The following BRWD1 variants were observed in gnomAD, a reference collection of about 807,000 sequenced individuals.
BRWD1 encodes the protein bromodomain and WD repeat-containing protein 1.
BRWD1 carries 82 observed loss-of-function variants against 251.2 expected under a neutral mutation model. That is an observed-to-expected ratio of 0.33 (90% CI 0.27 to 0.39). The LOEUF is 0.39. Among genes scored for constraint, BRWD1 ranks in the 10% least tolerant of loss-of-function variants. The pLI is 1.00. For synonymous variants in BRWD1, 918 were observed against 902.8 expected (o/e 1.02, Z -0.30); for missense variants, 2,233 against 2,711.6 (o/e 0.82, Z 3.92).
chr21:39,279,638 C>CAAAAAAAAAAAAAAAAAAA (rs77282416), intron 9 of BRWD1, among the ~76,000 whole-genome samples: 4 of 66,844 alleles, frequency 6.0e-5, no homozygotes, highest in East Asian at 8.1e-4. Flanking sequence ...GACTCCATCT[C>CAAAAAAAAAAAAAAAAAAA]AAAAAAAAAA....
At chr21:39,260,379 G>A (rs1415428618) in intron 17 of BRWD1, among the ~76,000 whole-genome samples, 2 of 151,860 alleles carry the variant, frequency 1.3e-5, no homozygotes, top group African/African-American at 2.4e-5. Flanking sequence ...CAAGCAATCC[G>A]CCTGCCTGCC....
chr21:39,313,354 G>GGCCCGGGGA (rs1369245331), intron 1 of BRWD1, 55 bp from the exon 2 acceptor site: 1 of 1,466,334 alleles, frequency 6.8e-7, no homozygotes, highest in Admixed American at 2.3e-5. Context: ...AGGGGGACGG[G>GGCCCGGGGA]GCCAGGGGAG....
rs577151921 is a variant in BRWD1, at chr21:39,188,614, G to T, written c.*7645C>A. The stretch of plus-strand genomic sequence containing the variant: ...AGTACAGGTAAAAACTGCTTCTGTG[G>T]ACTGACATGTTCATACAGCTAGACT... On this transcript the variant is annotated 3_prime_UTR_variant, in exon 41 of 41. Coordinates refer to ENST00000342449, the MANE Select transcript of BRWD1 (RefSeq NM_033656.4). The T allele has an allele frequency of 4.0e-5, 39 of 985,242 alleles. No homozygotes were observed. Among genetic ancestry groups the T allele is most frequent in the Non-Finnish European group, 4.6e-5 (38 of 829,920 alleles). The allele number at this position is 985,242 out of a possible 1,614,324, so 61.0% of individuals were successfully genotyped here.
At chr21:39,294,740 T>C (rs2035909259) in intron 7 of BRWD1, among the ~76,000 whole-genome samples, 1 of 151,804 alleles carries the variant, frequency 6.6e-6, no homozygotes, top group Non-Finnish European at 1.5e-5. Flanking sequence ...TACTTCATAG[T>C]GTGAGAAACA....
intron 17 of BRWD1, among the ~76,000 whole-genome samples, chr21:39,262,210 G>A (rs538040608): frequency 3.9e-5 from 6 of 152,174 alleles, no homozygotes; most frequent in Admixed American, 1.3e-4. Context: ...CAAATTCCAC[G>A]TGACAGTTGG....
At chr21:39,297,053 G>A (rs1248757433) in intron 5 of BRWD1, 5 of 985,272 alleles carry the variant, frequency 5.1e-6, no homozygotes, top group African/African-American at 1.7e-5. Context: ...GAGCACATAC[G>A]TAGGATCTGT....
In BRWD1 at chr21:39,188,667, G is replaced by A; in HGVS notation, c.*7592C>T. On this transcript the variant is annotated 3_prime_UTR_variant, in exon 41 of 41. Coordinates refer to ENST00000342449, the MANE Select transcript of BRWD1 (RefSeq NM_033656.4). Reference sequence around the variant, plus strand: ...TGAGGCAGGCCTCTGCCCTCACAGTGCAAGCACTTCAGATTTTTCCCTAAG... The same window carrying A: ...TGAGGCAGGCCTCTGCCCTCACAGTACAAGCACTTCAGATTTTTCCCTAAG... 2.0e-6 allele frequency: 2 copies of A among 985,404 alleles called. No individual in the cohort carries two copies. The highest frequency in any genetic ancestry group is 1.1e-4 in the East Asian group (1 of 8,810). 61.0% of individuals were successfully genotyped at this position (985,404 alleles called of 1,614,324 possible). A position where few individuals can be genotyped will look rare whatever the true frequency, so the allele number is the denominator to read the frequency against.
intron 21 of BRWD1, among the ~76,000 whole-genome samples, chr21:39,239,198 T>C (rs1384485555): frequency 6.6e-6 from 1 of 152,170 alleles, no homozygotes; most frequent in African/African-American, 2.4e-5. Flanking sequence ...AGTCCAAATT[T>C]TTTATATTTT....
chr21:39,275,833 G>C (rs1238082627), intron 12 of BRWD1, among the ~76,000 whole-genome samples: 1 of 152,106 alleles, frequency 6.6e-6, no homozygotes, highest in Non-Finnish European at 1.5e-5. Context: ...GGGAGTTCGA[G>C]ACCAGACTGA....
In BRWD1 at chr21:39,281,896, ATG is replaced by A. The variant is rs2035471823; in HGVS notation, c.832-1650_832-1649del. ...CCAAAAAAAATATATATATATATGTATGTATGTATACATGTATATATATACGT... is the reference window on the plus strand; with the variant it reads ...CCAAAAAAAATATATATATATATGTATATGTATACATGTATATATATACGT... On this transcript the variant is annotated intron_variant, in intron 8 of 40. Transcript: ENST00000342449. Among the ~76,000 whole-genome samples, 6 of 139,232 alleles carry A rather than the reference ATG, an allele frequency of 4.3e-5. No individual in the cohort carries two copies. The South Asian group carries it at 1.1e-3, about 25-fold the overall frequency. The allele number at this position is 139,232 out of a possible 152,430, so 91.3% of individuals were successfully genotyped here.
upstream of BRWD1, among the ~76,000 whole-genome samples, chr21:39,318,705 T>TA (rs1326551194): frequency 5.3e-5 from 8 of 152,148 alleles, no homozygotes; most frequent in Non-Finnish European, 1.2e-4. Flanking sequence ...AGTGCAGTGG[T>TA]ACAGTCAGAG....
intron 31 of BRWD1, 57 bp from the exon 32 acceptor site, chr21:39,215,419 GA>G: frequency 1.4e-6 from 2 of 1,470,322 alleles, no homozygotes; most frequent in Non-Finnish European, 1.9e-6. Context: ...GAAACCAAGT[GA>G]AAAAATGCAG....
At chr21:39,311,235 A>C (rs989729709) in intron 4 of BRWD1, among the ~76,000 whole-genome samples, 4 of 152,012 alleles carry the variant, frequency 2.6e-5, no homozygotes, top group African/African-American at 9.7e-5. Context: ...TGGCAGGAGG[A>C]TAGTTCAATG....
At chr21:39,283,744 T>C (rs1458381723) in intron 8 of BRWD1, among the ~76,000 whole-genome samples, 2 of 152,226 alleles carry the variant, frequency 1.3e-5, no homozygotes, top group Non-Finnish European at 2.9e-5. Flanking sequence ...TGTTTCTAAA[T>C]AGCAACATTT....
At chr21:39,249,215 G>C (rs1008545871) in intron 20 of BRWD1, among the ~76,000 whole-genome samples, 2 of 152,116 alleles carry the variant, frequency 1.3e-5, no homozygotes, top group African/African-American at 4.8e-5. Flanking sequence ...GCACAACGTG[G>C]AAAAAGGGTG....
rs1438293436 is a variant in BRWD1, at chr21:39,187,210, A to C, written c.*9049T>G. The C allele has an allele frequency of 1.2e-6, 2 of 1,613,278 alleles. No homozygotes were observed. Among genetic ancestry groups the C allele is most frequent in the South Asian group, 2.2e-5 (2 of 90,820 alleles). ...GGGCAGTTTTCTGCTACTCTTCCTA[A>C]TCCAGACATTTTCTGGTCCTGAGAT... On this transcript the variant is annotated 3_prime_UTR_variant, in exon 41 of 41. Transcript: ENST00000342449.
chr21:39,236,509 C>G (rs1430379480), intron 23 of BRWD1, 86 bp downstream of exon 23: 12 of 1,225,724 alleles, frequency 9.8e-6, no homozygotes, highest in Non-Finnish European at 1.4e-5. Flanking sequence ...ATGCCAGTAT[C>G]ACGAGAAATG....
chr21:39,212,033 T>A (rs1465899491), intron 34 of BRWD1, among the ~76,000 whole-genome samples: 1 of 152,074 alleles, frequency 6.6e-6, no homozygotes, highest in Non-Finnish European at 1.5e-5. Context: ...AACCTCATCA[T>A]CCCAACATAT....
chr21:39,313,381 A>G lies in BRWD1; in HGVS notation c.49+62T>C, dbSNP rs1601524781. 7.4e-6 allele frequency: 11 copies of G among 1,476,634 alleles called. No homozygotes were observed. The East Asian group carries it at 3.2e-4, about 43-fold the overall frequency. The allele number at this position is 1,476,634 out of a possible 1,614,324, so 91.5% of individuals were successfully genotyped here. ...CCAGGGGAGCCGGGGGAGCCCGGGG[A>G]GCCGGGGAAGCCGAAGCAGCCGGGA... On this transcript the variant is annotated intron_variant, in intron 1 of 40. Coordinates refer to ENST00000342449, the MANE Select transcript of BRWD1 (RefSeq NM_033656.4).
Sources: allele counts gnomAD v4.1 joint callset (sites outside exome capture counted in the v4.1 genomes callset), GRCh38; gene constraint gnomAD v4.1.1; transcripts MANE v1.5; gene names NCBI Gene and HGNC (gene_info 2026-07-23, HGNC 2026-07-21).